The following HDAC4 variants were observed in gnomAD, a reference collection of about 807,000 sequenced individuals.
HDAC4 encodes the protein histone deacetylase 4.
A neutral mutation model predicts 135.1 loss-of-function variants in HDAC4; 16 were observed. The ratio of observed to expected loss-of-function variants is 0.12; its 90% CI spans 0.08 to 0.18. HDAC4 has a LOEUF of 0.18. Ranked by LOEUF, HDAC4 falls within the 10% of genes least tolerant of loss-of-function variation. HDAC4 has a pLI of 1.00. For missense variants in HDAC4, 1,143 were observed against 1,511.8 expected, an observed-to-expected ratio of 0.76 and a Z score of 4.05; for synonymous variants, 685 against 653.4, an observed-to-expected ratio of 1.05 and a Z score of -0.74.
intron 3 of HDAC4, 127 bp downstream of exon 3, chr2:239,236,466 C>A: frequency 1.4e-6 from 1 of 733,616 alleles, no homozygotes. Context: ...CACCCAAATT[C>A]AGTGAACCTG....
intron 12 of HDAC4, among the ~76,000 whole-genome samples, chr2:239,124,269 T>C (rs796547629): frequency 6.6e-6 from 1 of 152,204 alleles, no homozygotes; most frequent in South Asian, 2.1e-4. Context: ...TCACCATCCC[T>C]AAGAAGAGGC....
At chr2:239,359,235 C>T (rs1253060958) in intron 1 of HDAC4, among the ~76,000 whole-genome samples, 2 of 152,158 alleles carry the variant, frequency 1.3e-5, no homozygotes, top group East Asian at 3.8e-4. Context: ...CAGCCAACAC[C>T]CTGGCATTCA....
At chr2:239,276,142 C>A (rs1487117104) in intron 2 of HDAC4, among the ~76,000 whole-genome samples, 3 of 152,326 alleles carry the variant, frequency 2.0e-5, no homozygotes, top group African/African-American at 2.4e-5. Context: ...CCGACCCCCA[C>A]GCCAGCAAGT....
chr2:239,258,876 C>T (rs2049194197), intron 2 of HDAC4, among the ~76,000 whole-genome samples: 1 of 152,150 alleles, frequency 6.6e-6, no homozygotes. Context: ...TGCCAGACTG[C>T]ATAGAAGAAC....
rs953319085 is a variant in HDAC4 at position 239,049,717 on chromosome 2, C to T, written c.*3380G>A. 6.6e-6 allele frequency: 1 copy of T among 152,274 alleles called. No individual in the cohort carries two copies. Among genetic ancestry groups the T allele is most frequent in the Non-Finnish European group, 1.5e-5 (1 of 68,032 alleles). The allele number at this position is 152,274 out of a possible 1,614,324, so 9.4% of individuals were successfully genotyped here. A position where few individuals can be genotyped will look rare whatever the true frequency, so the allele number is the denominator to read the frequency against. On this transcript the variant is annotated 3_prime_UTR_variant, in exon 27 of 27. Coordinates refer to ENST00000543185, the MANE Select transcript of HDAC4 (RefSeq NM_001378414.1). ...CAAAAGAAGTAAAGAAAAACTGAAA[C>T]ACCTTGACAAAGTGGCCCTCCAGAA...
intron 1 of HDAC4, among the ~76,000 whole-genome samples, chr2:239,377,276 C>T (rs558805477): frequency 6.6e-6 from 1 of 152,242 alleles, no homozygotes; most frequent in Non-Finnish European, 1.5e-5. Context: ...CTAACCGAAG[C>T]CACTGCCAGG....
At position 239,052,836 on chromosome 2, in the gene HDAC4, C is replaced by T; in HGVS notation, c.*261G>A. On this transcript the variant is annotated 3_prime_UTR_variant, in exon 27 of 27. Coordinates refer to ENST00000543185, the MANE Select transcript of HDAC4 (RefSeq NM_001378414.1). ...GCGGGACCCGCCAGAGTGTGCTTGG[C>T]TTCCGCGTGTCCGTGTGTCTGCGCG... The T allele has an allele frequency of 1.9e-6, 1 of 540,342 alleles. No individual in the cohort carries two copies. Among genetic ancestry groups the T allele is most frequent in the East Asian group, 3.1e-5 (1 of 32,520 alleles). 33.5% of individuals were successfully genotyped at this position (540,342 alleles called of 1,614,324 possible).
At chr2:239,323,279 AAGAG>A (rs2053372616) in intron 2 of HDAC4, among the ~76,000 whole-genome samples, 1 of 152,110 alleles carries the variant, frequency 6.6e-6, no homozygotes, top group African/African-American at 2.4e-5. Flanking sequence ...AAGAGAGAAA[AAGAG>A]AGAGAGCTCC....
rs945316815 is a variant in HDAC4, at chr2:239,349,728, C to T, written c.22+2950G>A. Among the ~76,000 whole-genome samples, 9 of 152,192 alleles carry T rather than the reference C, an allele frequency of 5.9e-5. No homozygotes were observed. Among genetic ancestry groups the T allele is most frequent in the East Asian group, 1.9e-4 (1 of 5,190 alleles). On this transcript the variant is annotated intron_variant, in intron 2 of 26. Coordinates refer to ENST00000543185, the MANE Select transcript of HDAC4 (RefSeq NM_001378414.1). This position sits in a 1 kb window ranked among gnomAD's most constrained non-coding sequence, Gnocchi z 5.7. ...TCCTGCCTCCCAAGGGACCTCCGGG[C>T]GGAAGGGCAGACACGGCAGGGAAAG... is the stretch of plus-strand genomic sequence containing the variant.
At chr2:239,339,932 G>A (rs959100611) in intron 2 of HDAC4, among the ~76,000 whole-genome samples, 3 of 152,150 alleles carry the variant, frequency 2.0e-5, no homozygotes, top group Admixed American at 1.3e-4. Flanking sequence ...CAGGGCCACC[G>A]GCCTTTGTGA....
Position 239,375,157 on chromosome 2 carries a change from G to A in HDAC4, c.-219-22239C>T, listed in dbSNP as rs1694917173. On this transcript the variant is annotated intron_variant, in intron 1 of 26. Coordinates refer to ENST00000543185, the MANE Select transcript of HDAC4 (RefSeq NM_001378414.1). ...GAAGAACACTGACATTGGGAACCAG[G>A]CAGCAGGAACGCCCAGATGTGCCTG... Among the ~76,000 whole-genome samples, 3 of 152,340 alleles carry A rather than the reference G, an allele frequency of 2.0e-5. No individual in the cohort carries two copies. In the South Asian group the frequency reaches 6.2e-4, roughly 32 times the overall value.
chr2:239,278,076 C>T (rs967322067), intron 2 of HDAC4, among the ~76,000 whole-genome samples: 11 of 152,210 alleles, frequency 7.2e-5, no homozygotes, highest in Non-Finnish European at 1.3e-4. Context: ...ACTCGGCTCC[C>T]CGCTGGTGGA....
rs540126259 is a variant in HDAC4 at position 239,068,790 on chromosome 2, C to T, written c.2751-183G>A. 106 of 671,836 alleles carry T rather than the reference C, an allele frequency of 1.6e-4. No homozygotes were observed. The South Asian group carries it at 1.6e-3, about 10-fold the overall frequency. The allele number at this position is 671,836 out of a possible 1,614,324, so 41.6% of individuals were successfully genotyped here. A position where few individuals can be genotyped will look rare whatever the true frequency, so the allele number is the denominator to read the frequency against. Reference sequence around the variant, plus strand: ...CCACGCTTAATTAGAAGGGAATCAACCCACGTGTGATCCAGGCTCATTTCA... The same window carrying T: ...CCACGCTTAATTAGAAGGGAATCAATCCACGTGTGATCCAGGCTCATTTCA... On this transcript the variant is annotated intron_variant, in intron 22 of 26. Transcript: ENST00000543185. This position sits in a 1 kb window ranked among gnomAD's most constrained non-coding sequence, Gnocchi z 4.4.
intron 12 of HDAC4, among the ~76,000 whole-genome samples, chr2:239,124,469 C>T (rs1197786902): frequency 6.6e-6 from 1 of 152,254 alleles, no homozygotes; most frequent in African/African-American, 2.4e-5. Context: ...AGTGTCATTC[C>T]ACTTTATGGC....
intron 1 of HDAC4, among the ~76,000 whole-genome samples, chr2:239,398,304 C>A (rs1047403668): frequency 6.6e-6 from 1 of 152,170 alleles, no homozygotes; most frequent in African/African-American, 2.4e-5. Context: ...TCTTCTGCTC[C>A]GGCAATTAAG....
At chr2:239,216,224 A>T (rs1161709619) in intron 3 of HDAC4, among the ~76,000 whole-genome samples, 2 of 152,168 alleles carry the variant, frequency 1.3e-5, no homozygotes, top group Non-Finnish European at 2.9e-5. Flanking sequence ...AGATATTCAC[A>T]CATACTCACA....
chr2:239,144,490 T>A, intron 8 of HDAC4, 93 bp downstream of exon 8: 1 of 1,519,094 alleles, frequency 6.6e-7, no homozygotes, highest in East Asian at 2.3e-5. Context: ...GGCAGACACG[T>A]GGGTTTTCAG....
At chr2:239,075,050 G>A (rs1050467858) in intron 22 of HDAC4, among the ~76,000 whole-genome samples, 28 of 148,156 alleles carry the variant, frequency 1.9e-4, no homozygotes, top group African/African-American at 6.7e-4. Context: ...GGTGAAACCC[G>A]GTCTCTACTA....
intron 1 of HDAC4, among the ~76,000 whole-genome samples, chr2:239,377,527 T>A: frequency 6.6e-6 from 1 of 152,214 alleles, no homozygotes; most frequent in East Asian, 1.9e-4. Context: ...TCTCAGTGCA[T>A]CACCACAATG....
Sources: gnomAD v4.1 joint callset for allele counts (sites outside exome capture counted in the v4.1 genomes callset) on GRCh38, gnomAD v4.1.1 for gene constraint, Gnocchi (gnomAD v3.1) non-coding constraint, MANE v1.5 for transcripts, NCBI Gene and HGNC (gene_info 2026-07-23, HGNC 2026-07-21) for gene names.